Variants in RCAN2 observed in about 807,000 individuals in gnomAD.
The protein encoded by RCAN2 is calcipressin-2.
Under a neutral mutation model 23.6 loss-of-function variants are expected in RCAN2, and 9 were observed. The ratio of observed to expected loss-of-function variants is 0.38; its 90% CI spans 0.23 to 0.67. The LOEUF is 0.67. Ranked by LOEUF, RCAN2 falls within the 30% of genes least tolerant of loss-of-function variation. The pLI is 0.51. For missense variants in RCAN2, 273 were observed against 302.3 expected, an observed-to-expected ratio of 0.90 and a Z score of 0.72; for synonymous variants, 109 against 115.7, an observed-to-expected ratio of 0.94 and a Z score of 0.37.
intron 1 of RCAN2, among the ~76,000 whole-genome samples, chr6:46,461,965 A>C (rs1229191360): frequency 1.3e-5 from 2 of 152,218 alleles, no homozygotes; most frequent in African/African-American, 2.4e-5. Context: ...AGTCTTTTGA[A>C]GGCCCCCCTC....
At chr6:46,240,178 A>G (rs1292120350) in intron 4 of RCAN2, among the ~76,000 whole-genome samples, 1 of 152,198 alleles carries the variant, frequency 6.6e-6, no homozygotes, top group Non-Finnish European at 1.5e-5. Context: ...CTCCACAACA[A>G]CTGTGAGGAC....
intron 2 of RCAN2, among the ~76,000 whole-genome samples, chr6:46,427,794 C>G (rs1347774467): frequency 1.3e-5 from 2 of 152,192 alleles, no homozygotes; most frequent in East Asian, 1.9e-4. Context: ...TCAAGCAATC[C>G]AAGCGTAAGT....
At chr6:46,301,572 G>T (rs1005631388) in intron 2 of RCAN2, among the ~76,000 whole-genome samples, 5 of 152,104 alleles carry the variant, frequency 3.3e-5, no homozygotes, top group Admixed American at 6.6e-5. Flanking sequence ...GACAAAGCTT[G>T]TTCCTTGTAG....
In RCAN2 at chr6:46,420,634, C is replaced by G. The variant is rs187352327; in HGVS notation, c.225+36118G>C. On this transcript the variant is annotated intron_variant, in intron 2 of 4. Transcript: ENST00000371374. The stretch of plus-strand genomic sequence containing the variant: ...ATCTCGGCTCACTGCAACCTCCCCT[C>G]CTGGGTTCAAGTGATTCTCCTGCCT... Among the ~76,000 whole-genome samples the G allele has an allele frequency of 6.3e-3, 953 of 151,468 alleles. 12 individuals are homozygous for G. The highest frequency in any genetic ancestry group is 0.022 in the African/African-American group (925 of 41,180).
intron 4 of RCAN2, among the ~76,000 whole-genome samples, chr6:46,225,115 T>A (rs1004879807): frequency 6.6e-6 from 1 of 152,196 alleles, no homozygotes; most frequent in African/African-American, 2.4e-5. Flanking sequence ...CATGAACTCA[T>A]CCTTTTTTAT....
At position 46,248,858 on chromosome 6, in the gene RCAN2, A is replaced by G. The variant is rs750795216; in HGVS notation, c.264T>C (p.Cys88=). Residue 88 remains cysteine, a synonymous_variant, in exon 3 of 5, where the codon TGT becomes TGC. Coordinates refer to ENST00000371374, the MANE Select transcript of RCAN2 (RefSeq NM_001251974.2). ...AACTCTTAAATAGCTGGAACGTCAC[A>G]CAGTCATCATAAGTCCGAAACAGTC... ...FEGLFRTYDD[C]VTFQLFKSFR... 1 of 1,612,612 alleles carries G rather than the reference A, an allele frequency of 6.2e-7. No individual in the cohort carries two copies. Among genetic ancestry groups the G allele is most frequent in the Non-Finnish European group, 8.5e-7 (1 of 1,179,670 alleles).
intron 2 of RCAN2, among the ~76,000 whole-genome samples, chr6:46,313,158 T>A (rs760884119): frequency 6.6e-6 from 1 of 152,194 alleles, no homozygotes; most frequent in Non-Finnish European, 1.5e-5. Flanking sequence ...CCTATAAAGC[T>A]GTAACTCATG....
chr6:46,340,372 C>A (rs1217183222), intron 2 of RCAN2, among the ~76,000 whole-genome samples: 3 of 152,166 alleles, frequency 2.0e-5, no homozygotes, highest in Non-Finnish European at 2.9e-5. Flanking sequence ...TTGTGCTCCC[C>A]CTGTATAGTA....
intron 2 of RCAN2, among the ~76,000 whole-genome samples, chr6:46,364,387 A>G (rs1049363742): frequency 6.6e-6 from 1 of 152,134 alleles, no homozygotes; most frequent in Non-Finnish European, 1.5e-5. Context: ...TGATCAGAAA[A>G]GGGAAAAGGC....
intron 2 of RCAN2, among the ~76,000 whole-genome samples, chr6:46,352,234 C>T (rs1249061884): frequency 6.6e-6 from 1 of 152,138 alleles, no homozygotes; most frequent in South Asian, 2.1e-4. Flanking sequence ...TGTCTTAATC[C>T]AGTTGATCTA....
chr6:46,408,058 G>T lies in RCAN2; in HGVS notation c.225+48694C>A, dbSNP rs185800516. ...AATCCATGATTATTCCCTCAGGAGG[G>T]AAGCTGCTTATAAAACAACTTCTGA... On this transcript the variant is annotated intron_variant, in intron 2 of 4. Coordinates refer to ENST00000371374, the MANE Select transcript of RCAN2 (RefSeq NM_001251974.2). 1.3e-4 allele frequency among the ~76,000 whole-genome samples: 20 copies of T among 152,284 alleles called. No homozygotes were observed. The East Asian group carries it at 2.7e-3, about 21-fold the overall frequency.
intron 2 of RCAN2, among the ~76,000 whole-genome samples, chr6:46,332,446 T>C (rs1764004775): frequency 6.8e-6 from 1 of 146,816 alleles, no homozygotes; most frequent in South Asian, 2.2e-4. Context: ...TCTCCTAAAG[T>C]TATCCCTCCC....
At chr6:46,406,948 C>A (rs1256410503) in intron 2 of RCAN2, among the ~76,000 whole-genome samples, 1 of 152,146 alleles carries the variant, frequency 6.6e-6, no homozygotes, top group African/African-American at 2.4e-5. Flanking sequence ...AACAAATACC[C>A]CCAAACTGGT....
intron 4 of RCAN2, among the ~76,000 whole-genome samples, chr6:46,243,605 T>C (rs955555120): frequency 1.3e-5 from 2 of 151,592 alleles, no homozygotes; most frequent in Non-Finnish European, 2.9e-5. Flanking sequence ...GGTCAGGAGT[T>C]TGAGACCAGC....
At chr6:46,298,395 T>G (rs550358427) in intron 2 of RCAN2, among the ~76,000 whole-genome samples, 3 of 152,156 alleles carry the variant, frequency 2.0e-5, no homozygotes, top group Admixed American at 1.3e-4. Flanking sequence ...GAGGGCAATA[T>G]TGAGCAAACC....
intron 2 of RCAN2, among the ~76,000 whole-genome samples, chr6:46,428,818 C>T (rs1467445819): frequency 6.6e-6 from 1 of 152,192 alleles, no homozygotes; most frequent in African/African-American, 2.4e-5. Flanking sequence ...AATTAGTTGC[C>T]ATTCCTCCAT....
chr6:46,394,175 G>A lies in RCAN2; in HGVS notation c.225+62577C>T, dbSNP rs1337406514. ...CTAATGCTTCTCTCCTTTAGTAGGA[G>A]TGATACTGTGATGTCATTAACAGTG... On this transcript the variant is annotated intron_variant, in intron 2 of 4. Transcript: ENST00000371374. Among the ~76,000 whole-genome samples the A allele has an allele frequency of 1.3e-5, 2 of 152,200 alleles. 1 individual carries two copies. Among genetic ancestry groups the A allele is most frequent in the South Asian group, 4.1e-4 (2 of 4,828 alleles).
intron 2 of RCAN2, among the ~76,000 whole-genome samples, chr6:46,268,282 A>T (rs2150331348): frequency 6.6e-6 from 1 of 152,338 alleles, no homozygotes; most frequent in Non-Finnish European, 1.5e-5. Context: ...ATAAGCCATT[A>T]TCTCATTGGT....
intron 2 of RCAN2, among the ~76,000 whole-genome samples, chr6:46,252,344 C>T (rs888858356): frequency 1.3e-5 from 2 of 152,198 alleles, no homozygotes; most frequent in African/African-American, 4.8e-5. Context: ...CTCTGGCTCC[C>T]ATTTTTCTCC....
Sources: gnomAD v4.1 joint callset for allele counts (sites outside exome capture counted in the v4.1 genomes callset) on GRCh38, gnomAD v4.1.1 for gene constraint, MANE v1.5 for transcripts, NCBI Gene and HGNC (gene_info 2026-07-23, HGNC 2026-07-21) for gene names.